MARCHF1: variants seen among roughly 807,000 people sequenced by gnomAD.
The protein encoded by MARCHF1 is E3 ubiquitin-protein ligase MARCHF1.
A neutral mutation model predicts 54.2 loss-of-function variants in MARCHF1; 40 were observed. The ratio of observed to expected loss-of-function variants is 0.74; its 90% CI spans 0.57 to 0.96. The LOEUF is 0.96. MARCHF1 is among the 40% of genes least tolerant of loss of function. MARCHF1 has a pLI of 0.00. For missense variants in MARCHF1, 586 were observed against 656.5 expected (o/e 0.89, Z 1.17); for synonymous variants, 236 against 236.3 (o/e 1.00, Z 0.01).
chr4:164,019,497 T>C (rs545898968), intron 2 of MARCHF1, among the ~76,000 whole-genome samples: 1 of 152,222 alleles, frequency 6.6e-6, no homozygotes, highest in East Asian at 1.9e-4. Flanking sequence ...AAAACCCCAT[T>C]GTTGAGGGAA....
At chr4:164,199,671 CACACACACACAGAGAG>C (rs1269924338) in intron 1 of MARCHF1, among the ~76,000 whole-genome samples, 57 of 56,770 alleles carry the variant, frequency 1.0e-3, no homozygotes, top group East Asian at 3.5e-3. Context: ...CACACACACA[CACACACACACAGAGAG>C]AGAGAGAGAG....
chr4:163,778,496 C>T (rs772014560), intron 4 of MARCHF1, among the ~76,000 whole-genome samples: 78 of 152,242 alleles, frequency 5.1e-4, no homozygotes, highest in Non-Finnish European at 9.7e-4. Context: ...TATTTGTCAT[C>T]TATACATTTG....
At chr4:163,551,992 A>G (rs1739121371) in intron 8 of MARCHF1, among the ~76,000 whole-genome samples, 1 of 152,186 alleles carries the variant, frequency 6.6e-6, no homozygotes, top group Admixed American at 6.5e-5. Flanking sequence ...AAGCATGTAC[A>G]TGAAGGCTTT....
intron 5 of MARCHF1, among the ~76,000 whole-genome samples, chr4:163,615,868 T>G (rs1472789481): frequency 6.6e-6 from 1 of 152,094 alleles, no homozygotes; most frequent in Non-Finnish European, 1.5e-5. Context: ...GGCATTGTTA[T>G]AAAAACAGAC....
chr4:164,085,167 A>C (rs1207082847), intron 2 of MARCHF1, among the ~76,000 whole-genome samples: 1 of 151,864 alleles, frequency 6.6e-6, no homozygotes, highest in East Asian at 1.9e-4. Context: ...AGCAATTGAA[A>C]GGCTTTCTGT....
intron 1 of MARCHF1, among the ~76,000 whole-genome samples, chr4:164,380,134 A>C (rs1428368442): frequency 1.3e-5 from 2 of 152,200 alleles, no homozygotes; most frequent in Non-Finnish European, 2.9e-5. Context: ...TTTATGAATA[A>C]ATTATAAGTG....
At position 164,080,694 on chromosome 4, in the gene MARCHF1, A is replaced by G. The variant is rs567454817; in HGVS notation, c.-248+30894T>C. On this transcript the variant is annotated intron_variant, in intron 2 of 9. Transcript: ENST00000514618. ...TGTATATATATATATATGTGTGTGT[A>G]TATATATATCATTGCAAAAAATTCA... is the stretch of plus-strand genomic sequence containing the variant. Among the ~76,000 whole-genome samples, 31 of 149,938 alleles carry G rather than the reference A, an allele frequency of 2.1e-4. No individual in the cohort carries two copies. In the East Asian group the frequency reaches 3.3e-3, roughly 16 times the overall value.
At chr4:164,306,368 C>A (rs1383207952) in intron 1 of MARCHF1, among the ~76,000 whole-genome samples, 1 of 152,146 alleles carries the variant, frequency 6.6e-6, no homozygotes, top group Non-Finnish European at 1.5e-5. Flanking sequence ...CAACCAACCT[C>A]ATTTCTATCA....
At chr4:163,947,564 C>T (rs1356819022) in intron 3 of MARCHF1, among the ~76,000 whole-genome samples, 3 of 152,146 alleles carry the variant, frequency 2.0e-5, no homozygotes, top group Admixed American at 2.0e-4. Flanking sequence ...TGATGTGTGG[C>T]CACAAGCCAA....
At chr4:164,291,805 A>T (rs373535164) in intron 1 of MARCHF1, among the ~76,000 whole-genome samples, 26 of 152,176 alleles carry the variant, frequency 1.7e-4, no homozygotes, top group African/African-American at 4.6e-4. Flanking sequence ...ACCACCCCTG[A>T]ATATGGAGTT....
chr4:164,233,696 T>C (rs75975684), intron 1 of MARCHF1, among the ~76,000 whole-genome samples: 3,162 of 152,144 alleles, frequency 0.021, 97 homozygotes, highest in East Asian at 0.12. Flanking sequence ...GGCCCATTTT[T>C]TCTGCACCTA....
At chr4:163,644,395 C>T (rs1451086353) in intron 5 of MARCHF1, among the ~76,000 whole-genome samples, 2 of 152,242 alleles carry the variant, frequency 1.3e-5, no homozygotes, top group Admixed American at 6.5e-5. Flanking sequence ...CAGGCTTGCC[C>T]ACTTCAATCT....
In MARCHF1 at chr4:163,854,145, T is replaced by G. The variant is rs1293926182; in HGVS notation, c.-14A>C. On this transcript the variant is annotated 5_prime_UTR_variant, in exon 4 of 10. An upstream open reading frame in the 5' UTR loses its in-frame stop. Transcript: ENST00000514618. ...CCAGCCCAGCATTTTCTCCTTCCTC[T>G]TATCCCTTTTCAATTTCTGAAATTC... is the stretch of plus-strand genomic sequence containing the variant. The G allele has an allele frequency of 6.6e-7, 1 of 1,522,316 alleles. No homozygotes were observed. The highest frequency in any genetic ancestry group is 1.2e-5 in the South Asian group (1 of 81,508). The allele number at this position is 1,522,316 out of a possible 1,614,324, so 94.3% of individuals were successfully genotyped here.
rs1579632458 is a variant in MARCHF1, at chr4:164,218,672, G to A, written c.-322-107010C>T. Among the ~76,000 whole-genome samples the A allele has an allele frequency of 4.2e-5, 6 of 142,334 alleles. No homozygotes were observed. The Admixed American group carries it at 4.3e-4, about 10-fold the overall frequency. The allele number at this position is 142,334 out of a possible 152,430, so 93.4% of individuals were successfully genotyped here. ...CAATGGAAACACATGGACACAGGAA[G>A]GGGAACATCACACACCGGGGCCTGT... On this transcript the variant is annotated intron_variant, in intron 1 of 9. Coordinates refer to ENST00000514618, the MANE Select transcript of MARCHF1 (RefSeq NM_001394959.1).
intron 1 of MARCHF1, among the ~76,000 whole-genome samples, chr4:164,337,953 T>G (rs1472621983): frequency 1.3e-5 from 2 of 152,206 alleles, no homozygotes; most frequent in Admixed American, 6.5e-5. Context: ...AGAAAATGCC[T>G]AAGTATCTCA....
chr4:163,846,499 G>C (rs1291326416), intron 4 of MARCHF1, among the ~76,000 whole-genome samples: 1 of 152,084 alleles, frequency 6.6e-6, no homozygotes, highest in African/African-American at 2.4e-5. Context: ...AAGAGAGTGA[G>C]GAGGATGTCA....
chr4:163,872,382 A>G (rs1434147940), intron 3 of MARCHF1, among the ~76,000 whole-genome samples: 1 of 152,232 alleles, frequency 6.6e-6, no homozygotes, highest in East Asian at 1.9e-4. Context: ...TGTACCCACA[A>G]AAGAAGATGA....
chr4:163,977,137 T>C (rs71614782), intron 3 of MARCHF1, among the ~76,000 whole-genome samples: 1,614 of 151,456 alleles, frequency 0.011, 9 homozygotes, highest in Middle Eastern at 0.024. Context: ...ATAGTGATTA[T>C]TATAAATATA....
At chr4:164,216,836 T>A (rs1406177757) in intron 1 of MARCHF1, among the ~76,000 whole-genome samples, 1 of 152,206 alleles carries the variant, frequency 6.6e-6, no homozygotes, top group African/African-American at 2.4e-5. Context: ...CATAATAACA[T>A]TTCCATCGTT....
Sources: gnomAD v4.1 joint callset for allele counts (sites outside exome capture counted in the v4.1 genomes callset) on GRCh38, gnomAD v4.1.1 for gene constraint, MANE v1.5 for transcripts, NCBI Gene and HGNC (gene_info 2026-07-23, HGNC 2026-07-21) for gene names.